Variants in SNTG2 observed in about 807,000 individuals in gnomAD.
SNTG2 encodes the protein gamma-2-syntrophin.
A neutral mutation model predicts 70.9 loss-of-function variants in SNTG2; 74 were observed. The observed-to-expected ratio is 1.04, with a 90% CI of 0.86 to 1.27. The LOEUF (loss-of-function observed/expected upper bound fraction) is 1.27, where lower values mean the gene tolerates loss of function less well. Ranked by LOEUF, SNTG2 falls within the 50% of genes most tolerant of loss-of-function variation. The pLI, the probability that SNTG2 is intolerant of heterozygous loss-of-function variation, is 0.00. For synonymous variants in SNTG2, 278 were observed against 273.8 expected (o/e 1.02, Z -0.15); for missense variants, 717 against 690.7 (o/e 1.04, Z -0.43).
chr2:1,242,990 T>A (rs1028462611), intron 11 of SNTG2, among the ~76,000 whole-genome samples: 1 of 152,254 alleles, frequency 6.6e-6, no homozygotes, highest in Non-Finnish European at 1.5e-5. Flanking sequence ...AAATTAGCTT[T>A]GCTTAAAATT....
At chr2:1,147,080 T>A (rs1669151291) in intron 6 of SNTG2, among the ~76,000 whole-genome samples, 1 of 152,226 alleles carries the variant, frequency 6.6e-6, no homozygotes, top group Non-Finnish European at 1.5e-5. Context: ...GCATTTGAGT[T>A]GGGGATTGGT....
intron 1 of SNTG2, among the ~76,000 whole-genome samples, chr2:970,073 G>C (rs1041186632): frequency 4.6e-5 from 7 of 152,086 alleles, no homozygotes; most frequent in East Asian, 3.8e-4. Context: ...TAATATGAAG[G>C]GATGTTGAAT....
intron 14 of SNTG2, among the ~76,000 whole-genome samples, chr2:1,300,859 A>C (rs1264447295): frequency 6.6e-6 from 1 of 152,154 alleles, no homozygotes; most frequent in African/African-American, 2.4e-5. Context: ...GTCCTATAAA[A>C]AGCTATTTTA....
chr2:973,429 G>GGTTTT (rs1262240788), intron 1 of SNTG2, among the ~76,000 whole-genome samples: 1 of 151,764 alleles, frequency 6.6e-6, no homozygotes, highest in Non-Finnish European at 1.5e-5. Context: ...GTAAGGTTGA[G>GGTTTT]GTTTTGTTTT....
intron 1 of SNTG2, among the ~76,000 whole-genome samples, chr2:1,022,271 T>C (rs948442337): frequency 2.0e-4 from 30 of 152,064 alleles, no homozygotes; most frequent in African/African-American, 6.7e-4. Flanking sequence ...TTTGTTCCCA[T>C]AAATTCCTTT....
At chr2:1,095,061 G>T (rs1353396547) in intron 2 of SNTG2, among the ~76,000 whole-genome samples, 1 of 152,072 alleles carries the variant, frequency 6.6e-6, no homozygotes, top group Non-Finnish European at 1.5e-5. Context: ...GGTGGGGGTG[G>T]GGAGAGAAAG....
At chr2:1,241,302 T>C (rs906023569) in intron 11 of SNTG2, among the ~76,000 whole-genome samples, 3 of 152,202 alleles carry the variant, frequency 2.0e-5, no homozygotes, top group South Asian at 2.1e-4. Context: ...AGACAGATCC[T>C]TGATGCTAAA....
chr2:1,277,494 TA>T (rs1679316659), intron 14 of SNTG2, among the ~76,000 whole-genome samples: 1 of 152,260 alleles, frequency 6.6e-6, no homozygotes, highest in Non-Finnish European at 1.5e-5. Flanking sequence ...TTCTTAGACA[TA>T]ATGCTTTGCA....
intron 16 of SNTG2, among the ~76,000 whole-genome samples, chr2:1,363,737 T>C (rs1661324935): frequency 6.6e-6 from 1 of 152,218 alleles, no homozygotes; most frequent in African/African-American, 2.4e-5. Flanking sequence ...CTGGTAATAC[T>C]TGGTTAGAAA....
intron 8 of SNTG2, among the ~76,000 whole-genome samples, chr2:1,175,867 C>T (rs879880427): frequency 1.4e-4 from 22 of 152,196 alleles, no homozygotes; most frequent in Admixed American, 1.4e-3. Context: ...GTCAGACAGT[C>T]TTTGTGGCTC....
At chr2:1,265,897 C>A (rs113278690) in intron 13 of SNTG2, among the ~76,000 whole-genome samples, 6 of 152,208 alleles carry the variant, frequency 3.9e-5, no homozygotes, top group African/African-American at 1.2e-4. Flanking sequence ...CAGGTGTCTC[C>A]CCTTGTTTCC....
chr2:1,353,315 G>A lies in SNTG2; in HGVS notation c.1489-14028G>A, dbSNP rs1183489066. Among the ~76,000 whole-genome samples, 1 of 152,276 alleles carries A rather than the reference G, an allele frequency of 6.6e-6. No homozygotes were observed. The highest frequency in any genetic ancestry group is 3.4e-3 in the Middle Eastern group (1 of 294). On this transcript the variant is annotated intron_variant, in intron 16 of 16. Coordinates refer to ENST00000308624, the MANE Select transcript of SNTG2 (RefSeq NM_018968.4). This position sits in a 1 kb window ranked among gnomAD's most constrained non-coding sequence, Gnocchi z 4.2. ...CATATGTGAGGGCTACAGCCTCATC[G>A]TATAAACATAAGGAAGTGCCTGGGG...
chr2:1,255,055 C>T (rs779627295), intron 12 of SNTG2, among the ~76,000 whole-genome samples: 2 of 152,124 alleles, frequency 1.3e-5, no homozygotes, highest in Non-Finnish European at 2.9e-5. Context: ...ATAAGAGGTG[C>T]GGTCCTGGAA....
chr2:1,110,792 C>G (rs936525433), intron 4 of SNTG2, among the ~76,000 whole-genome samples: 3 of 152,208 alleles, frequency 2.0e-5, no homozygotes, highest in Non-Finnish European at 4.4e-5. Flanking sequence ...CTACTCAGGC[C>G]AATGTGCCTG....
chr2:1,349,317 C>T (rs1660458347), intron 16 of SNTG2, among the ~76,000 whole-genome samples: 2 of 152,148 alleles, frequency 1.3e-5, no homozygotes, highest in African/African-American at 4.8e-5. Flanking sequence ...TCTATGGAGG[C>T]AATTAGGGAA....
chr2:1,046,518 A>T (rs1661746701), intron 1 of SNTG2, among the ~76,000 whole-genome samples: 1 of 152,012 alleles, frequency 6.6e-6, no homozygotes, highest in Admixed American at 6.6e-5. Flanking sequence ...CACGTTTTGC[A>T]CTTTTTTAAG....
At chr2:1,143,899 A>G (rs1668927701) in intron 6 of SNTG2, among the ~76,000 whole-genome samples, 1 of 145,900 alleles carries the variant, frequency 6.9e-6, no homozygotes, top group African/African-American at 2.6e-5. Context: ...CCCCCCAGAA[A>G]AAGAAAATAT....
intron 9 of SNTG2, among the ~76,000 whole-genome samples, chr2:1,226,575 A>G (rs146450553): frequency 6.7e-6 from 1 of 150,308 alleles, no homozygotes; most frequent in African/African-American, 2.4e-5. Flanking sequence ...GAAGCCTGTG[A>G]TACACCAAGG....
chr2:1,295,362 G>A (rs2148227388), intron 14 of SNTG2, among the ~76,000 whole-genome samples: 1 of 152,338 alleles, frequency 6.6e-6, no homozygotes, highest in East Asian at 1.9e-4. Context: ...AACAGGTGCT[G>A]AAACTTGTAT....
Sources: gnomAD v4.1 joint callset for allele counts (sites outside exome capture counted in the v4.1 genomes callset) on GRCh38, gnomAD v4.1.1 for gene constraint, Gnocchi (gnomAD v3.1) non-coding constraint, MANE v1.5 for transcripts, NCBI Gene and HGNC (gene_info 2026-07-23, HGNC 2026-07-21) for gene names.